Variants in IKBKE observed in about 807,000 individuals in gnomAD.
The protein encoded by IKBKE is inhibitor of nuclear factor kappa-B kinase subunit epsilon.
Under a neutral mutation model 92.1 loss-of-function variants are expected in IKBKE, and 45 were observed. That is an observed-to-expected ratio of 0.49 (90% CI 0.38 to 0.63). IKBKE has a LOEUF of 0.63. IKBKE is among the 20% of genes least tolerant of loss of function. The pLI, the probability that IKBKE is intolerant of heterozygous loss-of-function variation, is 0.00. For missense variants in IKBKE, 700 were observed against 932.8 expected, an observed-to-expected ratio of 0.75 and a Z score of 3.25; for synonymous variants, 374 against 380.3, an observed-to-expected ratio of 0.98 and a Z score of 0.19.
intron 21 of IKBKE, among the ~76,000 whole-genome samples, chr1:206,494,551 G>A (rs1056575220): frequency 2.7e-5 from 4 of 148,446 alleles, no homozygotes; most frequent in Admixed American, 1.4e-4. Context: ...ACAGGGCTCC[G>A]ACTCTGAGAT....
In IKBKE at chr1:206,489,343, A is replaced by ATG. The variant is rs1665817288; in HGVS notation, c.1693+1354_1693+1355insGT. Among the ~76,000 whole-genome samples the ATG allele has an allele frequency of 8.1e-5, 8 of 98,796 alleles. No homozygotes were observed. The South Asian group carries it at 1.1e-3, about 14-fold the overall frequency. 64.8% of individuals were successfully genotyped at this position (98,796 alleles called of 152,430 possible). ...GAAACTAAATTTTATATATGTGTGT[A>ATG]TATGTGTGTGTGTGTGTGTGTGTGT... On this transcript the variant is annotated intron_variant, in intron 16 of 21. Transcript: ENST00000581977.
rs781953570 is a variant in IKBKE, at chr1:206,474,928, C to T, written c.292C>T (p.Leu98=). ...YCSSGSLLSV[L]ESPENAFGLP... Reference sequence around the variant, plus strand: ...CTCCAGTGGGAGCCTGCTGAGTGTGCTGGAGAGCCCTGAGAATGCCTTTGG... The same window carrying T: ...CTCCAGTGGGAGCCTGCTGAGTGTGTTGGAGAGCCCTGAGAATGCCTTTGG... Residue 98 remains leucine (L), a synonymous_variant, in exon 5 of 22, where the codon CTG becomes TTG. Coordinates refer to ENST00000581977, the MANE Select transcript of IKBKE (RefSeq NM_014002.4). 3.7e-6 allele frequency: 6 copies of T among 1,613,950 alleles called. No individual in the cohort carries two copies. The African/African-American group carries it at 4.0e-5, about 11-fold the overall frequency.
In IKBKE at chr1:206,480,091, TTTCGGGGGCTGCACTGGG is replaced by T; in HGVS notation, c.1320_1337del (p.Arg441_Val446del). ...CCTGCTGGATGGGCAGGAGCTAATG[TTTCGGGGGCTGCACTGGG>T]TCATGTGAGTAATCATGAGGGCTGG... On this transcript the variant is annotated inframe_deletion, in exon 12 of 22. Coordinates refer to ENST00000581977, the MANE Select transcript of IKBKE (RefSeq NM_014002.4). 1 of 1,587,430 alleles carries T rather than the reference TTTCGGGGGCTGCACTGGG, an allele frequency of 6.3e-7. No individual in the cohort carries two copies. The highest frequency in any genetic ancestry group is 8.6e-7 in the Non-Finnish European group (1 of 1,169,162).
In IKBKE at chr1:206,490,559, C is replaced by T. The variant is rs1274341461; in HGVS notation, c.1694-260C>T. ...CTGAAGCATCCCCCACGTCCCCACC[C>T]CGGCCCTGCACTGCAGGCTGCCTTC... On this transcript the variant is annotated intron_variant, in intron 16 of 21. Transcript: ENST00000581977. The surrounding 1 kb of genome is among the most constrained non-coding windows in gnomAD (Gnocchi z 5.2). 6.6e-6 allele frequency among the ~76,000 whole-genome samples: 1 copy of T among 152,220 alleles called. No homozygotes were observed. The highest frequency in any genetic ancestry group is 2.4e-5 in the African/African-American group (1 of 41,450).
At chr1:206,484,824 G>A (rs1665570485) in intron 13 of IKBKE, among the ~76,000 whole-genome samples, 173 bp from the exon 14 acceptor site, 1 of 152,132 alleles carries the variant, frequency 6.6e-6, no homozygotes. Flanking sequence ...GGTAAGCAGG[G>A]CCCTCGTCAG....
intron 7 of IKBKE, among the ~76,000 whole-genome samples, chr1:206,477,334 G>T (rs1665122238): frequency 6.6e-6 from 1 of 152,180 alleles, no homozygotes; most frequent in African/African-American, 2.4e-5. Context: ...CTCAGCCCCG[G>T]GGTCCAGCTG....
chr1:206,488,117 T>A, intron 16 of IKBKE, 127 bp downstream of exon 16: 2 of 701,840 alleles, frequency 2.8e-6, no homozygotes, highest in Non-Finnish European at 5.1e-6. Flanking sequence ...CTCCAGCTGG[T>A]GGTTCTTGGA....
Position 206,487,933 on chromosome 1 carries a change from T to C in IKBKE, c.1636T>C (p.Cys546Arg). 1 of 1,613,844 alleles carries C rather than the reference T, an allele frequency of 6.2e-7. No homozygotes were observed. The highest frequency in any genetic ancestry group is 1.1e-5 in the South Asian group (1 of 90,960). ...EDRSIQQIQCCLDKMNFIYKQ... is the reference protein window; with the variant it reads ...EDRSIQQIQCRLDKMNFIYKQ... ...CCACAGCATCCAGCAGATTCAGTGC[T>C]GTTTGGACAAGATGAACTTCATCTA... The change falls in exon 16 of 22, where the codon TGT (cysteine) becomes CGT (arginine). Residue 546 changes from cysteine to arginine, a missense_variant. Physicochemically the swap from Cys to Arg is radical, Grantham distance 180. Coordinates refer to ENST00000581977, the MANE Select transcript of IKBKE (RefSeq NM_014002.4). This position sits in a 1 kb window ranked among gnomAD's most constrained non-coding sequence, Gnocchi z 5.3.
chr1:206,492,570 C>T (rs937129817), intron 18 of IKBKE: 1 of 471,924 alleles, frequency 2.1e-6, no homozygotes, highest in African/African-American at 2.0e-5. Flanking sequence ...TGACCTCCAA[C>T]CCCTGATTTA....
In IKBKE at chr1:206,476,020, C is replaced by T. The variant is rs989573450; in HGVS notation, c.359-161C>T. 6.6e-6 allele frequency among the ~76,000 whole-genome samples: 1 copy of T among 151,992 alleles called. No individual in the cohort carries two copies. Among genetic ancestry groups the T allele is most frequent in the East Asian group, 1.9e-4 (1 of 5,154 alleles). On this transcript the variant is annotated intron_variant, in intron 5 of 21. Coordinates refer to ENST00000581977, the MANE Select transcript of IKBKE (RefSeq NM_014002.4). This position sits in a 1 kb window ranked among gnomAD's most constrained non-coding sequence, Gnocchi z 5.1. ...TAGTGTCCTTGAGATGCCCCCTAAG[C>T]CCCATGCATGTCTCTGTCCTTCTGC...
At chr1:206,489,251 ACATATATATATTATT>A (rs1250247065) in intron 16 of IKBKE, among the ~76,000 whole-genome samples, 7 of 147,194 alleles carry the variant, frequency 4.8e-5, no homozygotes, top group South Asian at 2.1e-4. Flanking sequence ...TATATTATTC[ACATATATATATTATT>A]CATATATATA....
In IKBKE at chr1:206,478,210, A is replaced by G; in HGVS notation, c.863A>G (p.Glu288Gly). 6.2e-7 allele frequency: 1 copy of G among 1,614,154 alleles called. No individual in the cohort carries two copies. Among genetic ancestry groups the G allele is most frequent in the Non-Finnish European group, 8.5e-7 (1 of 1,180,046 alleles). The change falls in exon 9 of 22, where the codon GAG (glutamate) becomes GGG (glycine). Residue 288 changes from glutamate (E) to glycine (G), a missense_variant. Transcript: ENST00000581977. The surrounding 1 kb of genome is among the most constrained non-coding windows in gnomAD (Gnocchi z 4.8). ...VPILANILEVEQAKCWGFDQF... is the reference protein window; with the variant it reads ...VPILANILEVGQAKCWGFDQF... ...ATCCTGGCCAACATCCTGGAGGTGG[A>G]GCAGGCCAAGTGCTGGGGCTTCGAC...
chr1:206,481,983 T>G (rs1361568532), intron 13 of IKBKE, among the ~76,000 whole-genome samples: 2 of 151,454 alleles, frequency 1.3e-5, no homozygotes, highest in African/African-American at 4.9e-5. Context: ...GTTTCACCGT[T>G]TTAGCCGGGA....
chr1:206,471,772 T>G (rs1664788450), intron 2 of IKBKE, among the ~76,000 whole-genome samples: 1 of 152,242 alleles, frequency 6.6e-6, no homozygotes, highest in Non-Finnish European at 1.5e-5. Flanking sequence ...CACCGATCTC[T>G]TCAAGGGGCC....
Position 206,479,060 on chromosome 1 carries a change from C to A in IKBKE, c.1110C>A (p.Ile370=). The A allele has an allele frequency of 6.2e-7, 1 of 1,613,944 alleles. No homozygotes were observed. The highest frequency in any genetic ancestry group is 8.5e-7 in the Non-Finnish European group (1 of 1,179,984). The change falls in exon 10 of 22, where the codon ATC becomes ATA. Residue 370 remains isoleucine (I), a synonymous_variant. Transcript: ENST00000581977. ...AGCCCAGCGTCTCAGCACAGCACAT[C>A]GCCCACACGACGGCAAGCAGCCCCC... is the stretch of plus-strand genomic sequence containing the variant. ...VLEPSVSAQH[I]AHTTASSPLT... is the part of the protein sequence containing the mutation.
Position 206,478,217 on chromosome 1 carries a change from C to T in IKBKE, c.870C>T (p.Ala290=). The part of the protein sequence containing the change: ...ILANILEVEQ[A]KCWGFDQFFA... ...CCAACATCCTGGAGGTGGAGCAGGC[C>T]AAGTGCTGGGGCTTCGACCAGTTCT... Residue 290 remains alanine, a synonymous_variant, in exon 9 of 22, where the codon GCC becomes GCT. Coordinates refer to ENST00000581977, the MANE Select transcript of IKBKE (RefSeq NM_014002.4). The surrounding 1 kb of genome is among the most constrained non-coding windows in gnomAD (Gnocchi z 4.8). The T allele has an allele frequency of 1.2e-6, 2 of 1,614,188 alleles. No homozygotes were observed. Among genetic ancestry groups the T allele is most frequent in the African/African-American group, 2.7e-5 (2 of 75,054 alleles).
chr1:206,474,812 G>A (rs782195276), intron 4 of IKBKE, 53 bp from the exon 5 acceptor site: 23 of 1,595,674 alleles, frequency 1.4e-5, no homozygotes, highest in Non-Finnish European at 1.9e-5. Flanking sequence ...TCTTCCTGGT[G>A]GGTGGGGAGG....
At chr1:206,488,901 G>T (rs1042801194) in intron 16 of IKBKE, among the ~76,000 whole-genome samples, 1 of 152,076 alleles carries the variant, frequency 6.6e-6, no homozygotes, top group African/African-American at 2.4e-5. Context: ...TATATCCAGT[G>T]TCATTTTAGC....
rs2103453880 is a variant in IKBKE, at chr1:206,476,121, C to A, written c.359-60C>A. On this transcript the variant is annotated intron_variant, in intron 5 of 21. Coordinates refer to ENST00000581977, the MANE Select transcript of IKBKE (RefSeq NM_014002.4). This position sits in a 1 kb window ranked among gnomAD's most constrained non-coding sequence, Gnocchi z 5.1. ...AGGACAGCCTTCCCACCAAGATGAG[C>A]CTCAGACACTAGACTGTCCCCGACC... 6.5e-7 allele frequency: 1 copy of A among 1,539,024 alleles called. No individual in the cohort carries two copies. Among genetic ancestry groups the A allele is most frequent in the Non-Finnish European group, 8.9e-7 (1 of 1,118,642 alleles).
Sources: allele counts gnomAD v4.1 joint callset (sites outside exome capture counted in the v4.1 genomes callset), GRCh38; gene constraint gnomAD v4.1.1; non-coding constraint Gnocchi (gnomAD v3.1); transcripts MANE v1.5; gene names NCBI Gene and HGNC (gene_info 2026-07-23, HGNC 2026-07-21).